Variants in TMEM132D observed in about 807,000 individuals in gnomAD.
TMEM132D encodes mature OL transmembrane protein.
In TMEM132D, 21 loss-of-function variants were observed where a neutral mutation model predicts 62.3. The ratio of observed to expected loss-of-function variants is 0.34; its 90% confidence interval spans 0.24 to 0.49. The LOEUF is 0.49. Among genes scored for constraint, TMEM132D ranks in the 20% least tolerant of loss-of-function variants. TMEM132D has a pLI of 0.99. For missense variants in TMEM132D, 1,346 were observed against 1,402.8 expected, an observed-to-expected ratio of 0.96 and a Z score of 0.65; for synonymous variants, 621 against 575.6, an observed-to-expected ratio of 1.08 and a Z score of -1.13.
chr12:129,386,246 C>T (rs1871102437), intron 3 of TMEM132D, among the ~76,000 whole-genome samples: 1 of 152,188 alleles, frequency 6.6e-6, no homozygotes. Flanking sequence ...TAATTGTCTA[C>T]TTCTCAACCC....
intron 1 of TMEM132D, among the ~76,000 whole-genome samples, chr12:129,792,644 A>G (rs991330928): frequency 3.9e-5 from 6 of 152,152 alleles, no homozygotes; most frequent in South Asian, 2.1e-4. Flanking sequence ...CACAAATAAT[A>G]TCTCCGATAC....
At chr12:129,725,965 T>C (rs1869019600) in intron 1 of TMEM132D, among the ~76,000 whole-genome samples, 1 of 152,218 alleles carries the variant, frequency 6.6e-6, no homozygotes, top group Non-Finnish European at 1.5e-5. Flanking sequence ...AGACATACAC[T>C]TGCCTTCTCA....
intron 5 of TMEM132D, among the ~76,000 whole-genome samples, chr12:129,114,487 T>G (rs1270893040): frequency 6.6e-6 from 1 of 151,846 alleles, no homozygotes; most frequent in Non-Finnish European, 1.5e-5. Flanking sequence ...CCTTCCTCCT[T>G]TTATTACTGT....
At chr12:129,608,000 C>T (rs1330795828) in intron 2 of TMEM132D, among the ~76,000 whole-genome samples, 1 of 152,140 alleles carries the variant, frequency 6.6e-6, no homozygotes, top group East Asian at 1.9e-4. Context: ...GACAGATCAG[C>T]GTTGTTTCTG....
At chr12:129,424,122 C>G (rs1384952220) in intron 3 of TMEM132D, among the ~76,000 whole-genome samples, 2 of 151,334 alleles carry the variant, frequency 1.3e-5, no homozygotes, top group Non-Finnish European at 2.9e-5. Flanking sequence ...ATAATTCATA[C>G]TAATAATTCT....
chr12:129,084,918 C>A, intron 5 of TMEM132D: 1 of 566,090 alleles, frequency 1.8e-6, no homozygotes, highest in Non-Finnish European at 3.1e-6. Context: ...TCTGAGTACC[C>A]AGGCTTCCTG....
chr12:129,389,118 GATA>G (rs1285224592), intron 3 of TMEM132D, among the ~76,000 whole-genome samples: 2 of 133,626 alleles, frequency 1.5e-5, no homozygotes, highest in Admixed American at 7.4e-5. Flanking sequence ...CAGCACTGAT[GATA>G]ATATTAACAC....
At chr12:129,603,631 A>G (rs952839514) in intron 2 of TMEM132D, among the ~76,000 whole-genome samples, 1 of 152,236 alleles carries the variant, frequency 6.6e-6, no homozygotes, top group Non-Finnish European at 1.5e-5. Flanking sequence ...ACTATCTCAC[A>G]CCAGTTAGAA....
chr12:129,809,500 A>G (rs1181454882), intron 1 of TMEM132D, among the ~76,000 whole-genome samples: 1 of 151,826 alleles, frequency 6.6e-6, no homozygotes, highest in Admixed American at 6.6e-5. Context: ...TCTGGGCTGG[A>G]AGGTAACCTC....
Position 129,903,204 on chromosome 12 carries a change from A to G in TMEM132D, c.79+57T>C. On this transcript the variant is annotated intron_variant, in intron 1 of 8. Coordinates refer to ENST00000422113, the MANE Select transcript of TMEM132D (RefSeq NM_133448.3). This position sits in a 1 kb window ranked among gnomAD's most constrained non-coding sequence, Gnocchi z 6.2. ...CCGCCCCCATCCTCCACACACTCCC[A>G]CACACTCACTCCAGGCGAAGTTAGT... 6.5e-7 allele frequency: 1 copy of G among 1,531,706 alleles called. No individual in the cohort carries two copies. Among genetic ancestry groups the G allele is most frequent in the East Asian group, 2.5e-5 (1 of 40,752 alleles). 94.9% of individuals were successfully genotyped at this position (1,531,706 alleles called of 1,614,324 possible).
At chr12:129,266,152 C>T (rs1433346623) in intron 4 of TMEM132D, among the ~76,000 whole-genome samples, 11 of 152,090 alleles carry the variant, frequency 7.2e-5, no homozygotes, top group Non-Finnish European at 1.3e-4. Flanking sequence ...TTTCAGTACT[C>T]GTATCTTTAC....
At chr12:129,882,240 T>C (rs1485742865) in intron 1 of TMEM132D, among the ~76,000 whole-genome samples, 1 of 151,716 alleles carries the variant, frequency 6.6e-6, no homozygotes, top group African/African-American at 2.4e-5. Flanking sequence ...TTCCAGAAAA[T>C]AGAAGGAAAT....
chr12:129,563,361 G>C (rs892784604), intron 2 of TMEM132D, among the ~76,000 whole-genome samples: 2 of 152,152 alleles, frequency 1.3e-5, no homozygotes, highest in African/African-American at 4.8e-5. Context: ...TTGATCCTCA[G>C]TGCTCTTAGT....
intron 2 of TMEM132D, among the ~76,000 whole-genome samples, chr12:129,561,064 G>A (rs1877212029): frequency 1.3e-5 from 2 of 152,162 alleles, no homozygotes; most frequent in African/African-American, 4.8e-5. Context: ...AGAGTGCAAT[G>A]AAGGAAGGAA....
chr12:129,402,690 C>T (rs1027014751), intron 3 of TMEM132D, among the ~76,000 whole-genome samples: 6 of 152,194 alleles, frequency 3.9e-5, no homozygotes, highest in African/African-American at 1.4e-4. Flanking sequence ...CCCATCTCAG[C>T]CTCCTAAGTC....
chr12:129,895,706 G>A (rs1010114007), intron 1 of TMEM132D, among the ~76,000 whole-genome samples: 2 of 152,044 alleles, frequency 1.3e-5, no homozygotes, highest in African/African-American at 2.4e-5. Context: ...ATATATTCAC[G>A]AAGTCAATCT....
At chr12:129,419,362 CAAG>C in intron 3 of TMEM132D, among the ~76,000 whole-genome samples, 1 of 152,218 alleles carries the variant, frequency 6.6e-6, no homozygotes, top group East Asian at 1.9e-4. Context: ...GGACCTCCTG[CAAG>C]AGGCTCTTTT....
chr12:129,160,730 C>T (rs4964866), intron 5 of TMEM132D, among the ~76,000 whole-genome samples: 93,011 of 152,000 alleles, frequency 0.61, 28,933 homozygotes, highest in Non-Finnish European at 0.67. Flanking sequence ...GATAGATAGA[C>T]AGGTCACAAA....
At chr12:129,669,027 A>G (rs944855181) in intron 2 of TMEM132D, among the ~76,000 whole-genome samples, 4 of 152,114 alleles carry the variant, frequency 2.6e-5, no homozygotes, top group Admixed American at 1.3e-4. Context: ...AATTTGCCCA[A>G]CTCATAGGTA....
Sources: allele counts gnomAD v4.1 joint callset (sites outside exome capture counted in the v4.1 genomes callset), GRCh38; gene constraint gnomAD v4.1.1; non-coding constraint Gnocchi (gnomAD v3.1); transcripts MANE v1.5; gene names NCBI Gene and HGNC (gene_info 2026-07-23, HGNC 2026-07-21).